Variants in UIMC1 observed in about 807,000 individuals in gnomAD.
The protein encoded by UIMC1 is ubiquitin interaction motif containing 1, also known as BRCA1-A complex subunit RAP80.
A neutral mutation model predicts 84.9 loss-of-function variants in UIMC1; 42 were observed. That is an observed-to-expected ratio of 0.49 (90% CI 0.39 to 0.64). The LOEUF (loss-of-function observed/expected upper bound fraction) is 0.64. Among genes scored for constraint, UIMC1 ranks in the 30% least tolerant of loss-of-function variants. UIMC1 has a pLI of 0.00. For synonymous variants in UIMC1, 281 were observed against 293.0 expected (o/e 0.96, Z 0.42); for missense variants, 825 against 847.6 (o/e 0.97, Z 0.33).
chr5:176,978,351 C>T (rs188549973), intron 2 of UIMC1, among the ~76,000 whole-genome samples: 57 of 151,868 alleles, frequency 3.8e-4, no homozygotes, highest in African/African-American at 1.3e-3. Flanking sequence ...CCAGCCTGGG[C>T]GACAGAGCGA....
intron 2 of UIMC1, among the ~76,000 whole-genome samples, chr5:176,981,672 G>A (rs957651021): frequency 6.6e-6 from 1 of 151,978 alleles, no homozygotes; most frequent in South Asian, 2.1e-4. Context: ...ATAATGGCTT[G>A]AGCCTGTAGT....
intron 10 of UIMC1, among the ~76,000 whole-genome samples, chr5:176,942,733 G>A (rs576190477): frequency 3.4e-4 from 46 of 133,556 alleles, no homozygotes; most frequent in Non-Finnish European, 6.2e-4. Flanking sequence ...GCGACAGAGC[G>A]AGACTCCGTC....
At chr5:177,022,582 A>AGGT in exon 1 of UIMC1, 1 of 723,244 alleles carries the variant, frequency 1.4e-6, no homozygotes, top group Non-Finnish European at 2.1e-6. Flanking sequence ...GAGGTACCAG[A>AGGT]GGTAGCAAAG....
At chr5:176,931,132 A>G (rs976546331) in intron 10 of UIMC1, among the ~76,000 whole-genome samples, 1 of 152,212 alleles carries the variant, frequency 6.6e-6, no homozygotes, top group Non-Finnish European at 1.5e-5. Flanking sequence ...TTTCATCATC[A>G]GTAAAATGGA....
At chr5:177,019,004 G>A (rs1775731627) in intron 1 of UIMC1, among the ~76,000 whole-genome samples, 1 of 152,294 alleles carries the variant, frequency 6.6e-6, no homozygotes, top group Admixed American at 6.5e-5. Context: ...CTATATGCAA[G>A]TGTAAGTAAC....
rs528047073 is a variant in UIMC1 at position 176,986,330 on chromosome 5, G to A, written c.-8-3707C>T. On this transcript the variant is annotated intron_variant, in intron 1 of 14. Transcript: ENST00000511320. ...AGCTGAGATTGTGCCACTGCACTCCGGCCTGGGTGCCAGAGTAAGACTTCA... is the reference window on the plus strand; with the variant it reads ...AGCTGAGATTGTGCCACTGCACTCCAGCCTGGGTGCCAGAGTAAGACTTCA... Among the ~76,000 whole-genome samples, 44 of 133,532 alleles carry A rather than the reference G, an allele frequency of 3.3e-4. 1 individual carries two copies. The highest frequency in any genetic ancestry group is 1.2e-3 in the African/African-American group (41 of 34,668). 87.6% of individuals were successfully genotyped at this position (133,532 alleles called of 152,430 possible).
chr5:176,927,125 G>C (rs1053641736), intron 10 of UIMC1, among the ~76,000 whole-genome samples: 9 of 151,624 alleles, frequency 5.9e-5, no homozygotes, highest in African/African-American at 2.2e-4. Flanking sequence ...CACTTTGGGA[G>C]GCCAAAGCAG....
At chr5:176,983,421 G>C (rs1771358283) in intron 1 of UIMC1, among the ~76,000 whole-genome samples, 1 of 152,052 alleles carries the variant, frequency 6.6e-6, no homozygotes, top group South Asian at 2.1e-4. Flanking sequence ...TTTTGGTGGA[G>C]ACCGGGTTTC....
Position 177,015,564 on chromosome 5 carries a change from T to C in UIMC1, c.-9+6900A>G, listed in dbSNP as rs553819066. The stretch of plus-strand genomic sequence containing the variant: ...ATGAGGAGGAGCAACCTTATCTGTT[T>C]ACTCTAACATGCTATACAGATATGC... On this transcript the variant is annotated intron_variant, in intron 1 of 5. Transcript: ENST00000509236. Among the ~76,000 whole-genome samples the C allele has an allele frequency of 3.3e-5, 5 of 152,346 alleles. 1 individual carries two copies. In the South Asian group the frequency reaches 1.0e-3, roughly 32 times the overall value.
chr5:176,947,760 G>A (rs1485644298), intron 9 of UIMC1, among the ~76,000 whole-genome samples: 2 of 151,720 alleles, frequency 1.3e-5, no homozygotes, highest in East Asian at 3.9e-4. Context: ...GGAGCTTGCA[G>A]AGCCGAGATT....
intron 1 of UIMC1, among the ~76,000 whole-genome samples, chr5:177,001,176 G>C (rs895071371): frequency 7.2e-5 from 11 of 152,070 alleles, no homozygotes; most frequent in African/African-American, 2.4e-4. Context: ...ATTTTTATTT[G>C]ATTTTTGTAT....
chr5:176,905,270 G>T lies in UIMC1; in HGVS notation c.*12C>A. On this transcript the variant is annotated 3_prime_UTR_variant, in exon 15 of 15. Coordinates refer to ENST00000511320, the MANE Select transcript of UIMC1 (RefSeq NM_001199298.2). Reference sequence around the variant, plus strand: ...CTACTAATGGTTTTGTCAACTTTTGGACCCTAGAAATTCAGAATTTTCTCC... The same window carrying T: ...CTACTAATGGTTTTGTCAACTTTTGTACCCTAGAAATTCAGAATTTTCTCC... 6.2e-7 allele frequency: 1 copy of T among 1,613,184 alleles called. No individual in the cohort carries two copies. Among genetic ancestry groups the T allele is most frequent in the Non-Finnish European group, 8.5e-7 (1 of 1,179,466 alleles).
chr5:176,921,218 T>C (rs1278034025), intron 10 of UIMC1, among the ~76,000 whole-genome samples: 2 of 152,178 alleles, frequency 1.3e-5, no homozygotes, highest in African/African-American at 4.8e-5. Flanking sequence ...TCCCTCCTAT[T>C]GCACAGAATG....
intron 1 of UIMC1, among the ~76,000 whole-genome samples, chr5:177,003,425 C>G (rs1320247140): frequency 6.6e-6 from 1 of 152,206 alleles, no homozygotes; most frequent in African/African-American, 2.4e-5. Context: ...GAGGCCGAGG[C>G]AGGCAGATCA....
At chr5:176,957,144 C>T (rs1226839729) in intron 7 of UIMC1, among the ~76,000 whole-genome samples, 1 of 152,174 alleles carries the variant, frequency 6.6e-6, no homozygotes, top group African/African-American at 2.4e-5. Context: ...AAGGCATACT[C>T]TGTTAAAACC....
At chr5:176,997,769 A>G (rs954102361) in intron 1 of UIMC1, among the ~76,000 whole-genome samples, 2 of 151,830 alleles carry the variant, frequency 1.3e-5, no homozygotes, top group Non-Finnish European at 2.9e-5. Flanking sequence ...CATAGTCTAC[A>G]AAGTATGTCC....
intron 10 of UIMC1, among the ~76,000 whole-genome samples, chr5:176,922,125 G>C (rs1289456030): frequency 6.6e-6 from 1 of 151,936 alleles, no homozygotes; most frequent in Non-Finnish European, 1.5e-5. Context: ...CTCTGTTCTA[G>C]TCACTCTCCA....
intron 9 of UIMC1, among the ~76,000 whole-genome samples, chr5:176,950,787 T>C (rs890935514): frequency 5.3e-5 from 8 of 151,984 alleles, no homozygotes; most frequent in South Asian, 2.1e-4. Flanking sequence ...GGAGAAACAC[T>C]TGGACCAGGA....
chr5:176,953,134 T>C (rs564847659), intron 8 of UIMC1, among the ~76,000 whole-genome samples: 1 of 152,288 alleles, frequency 6.6e-6, no homozygotes, highest in South Asian at 2.1e-4. Context: ...TGTCTGGCTC[T>C]CACCAGACAC....
Sources: allele counts gnomAD v4.1 joint callset (sites outside exome capture counted in the v4.1 genomes callset), GRCh38; gene constraint gnomAD v4.1.1; transcripts MANE v1.5; gene names NCBI Gene and HGNC (gene_info 2026-07-23, HGNC 2026-07-21).